ANK2: variants seen among roughly 807,000 people sequenced by gnomAD.
ANK2 encodes ankyrin 2, also known as ankyrin-2.
In ANK2, 83 loss-of-function variants were observed where a neutral mutation model predicts 360.5. That is an observed-to-expected ratio of 0.23 (90% CI 0.19 to 0.28). The LOEUF (loss-of-function observed/expected upper bound fraction) is 0.28, where lower values mean the gene tolerates loss of function less well. Among genes scored for constraint, ANK2 ranks in the 10% least tolerant of loss-of-function variants. ANK2 has a pLI of 1.00. For synonymous variants in ANK2, 1,740 were observed against 1,759.5 expected, an observed-to-expected ratio of 0.99 and a Z score of 0.28; for missense variants, 4,201 against 4,795.7, an observed-to-expected ratio of 0.88 and a Z score of 3.66.
chr4:112,994,003 C>T (rs910565821), intron 2 of ANK2, among the ~76,000 whole-genome samples: 5 of 152,144 alleles, frequency 3.3e-5, no homozygotes, highest in South Asian at 2.1e-4. Flanking sequence ...CCACCATGCC[C>T]GGCCGGCAAC....
the ANK2 span, among the ~76,000 whole-genome samples, chr4:112,726,289 G>T: frequency 4.6e-5 from 7 of 152,290 alleles, no homozygotes; most frequent in South Asian, 1.2e-3. Flanking sequence ...GCCTGAGTAT[G>T]TATAAAGGCA....
chr4:112,968,640 T>G (rs1382775307), intron 2 of ANK2, among the ~76,000 whole-genome samples: 1 of 152,176 alleles, frequency 6.6e-6, no homozygotes, highest in Non-Finnish European at 1.5e-5. Context: ...CTGTTGCCCA[T>G]AGCAACCACC....
rs1180197566 is a variant in ANK2, at chr4:113,323,686, C to T, written c.2900+5066C>T. 2.1e-6 allele frequency: 3 copies of T among 1,412,032 alleles called. No individual in the cohort carries two copies. In the African/African-American group the frequency reaches 4.2e-5, roughly 20 times the overall value. 87.5% of individuals were successfully genotyped at this position (1,412,032 alleles called of 1,614,324 possible). On this transcript the variant is annotated intron_variant, in intron 26 of 45. Coordinates refer to ENST00000357077, the MANE Select transcript of ANK2 (RefSeq NM_001148.6). ...AGGTATTGGTGTATAAATAATAAGTCACTTCTGAGTTCCTTCCTTATATTT... is the reference window on the plus strand; with the variant it reads ...AGGTATTGGTGTATAAATAATAAGTTACTTCTGAGTTCCTTCCTTATATTT...
intron 43 of ANK2, among the ~76,000 whole-genome samples, 166 bp downstream of exon 43, chr4:113,369,971 G>A (rs905268745): frequency 1.3e-5 from 2 of 152,184 alleles, no homozygotes; most frequent in African/African-American, 2.4e-5. Context: ...TCTGAGAGCC[G>A]ATGAATCTTG....
chr4:113,054,748 A>G (rs2068768150), intron 1 of ANK2, among the ~76,000 whole-genome samples: 1 of 152,162 alleles, frequency 6.6e-6, no homozygotes, highest in Non-Finnish European at 1.5e-5. Flanking sequence ...CACTGAAGGT[A>G]TTTAAAATGA....
the ANK2 span, chr4:112,739,082 G>T: frequency 7.5e-6 from 4 of 533,430 alleles, no homozygotes; most frequent in Non-Finnish European, 7.1e-6. Flanking sequence ...CCAATGCCAG[G>T]CTGTGCAGCA....
chr4:113,331,852 A>G, intron 27 of ANK2, 120 bp from the exon 28 acceptor site: 1 of 931,194 alleles, frequency 1.1e-6, no homozygotes, highest in Non-Finnish European at 1.8e-6. Context: ...GGCAGAACCA[A>G]ACGCAGTGTG....
intron 1 of ANK2, among the ~76,000 whole-genome samples, chr4:112,865,219 C>T (rs948099078): frequency 2.0e-5 from 3 of 152,018 alleles, no homozygotes; most frequent in Middle Eastern, 3.2e-3. Flanking sequence ...AAATCACCAT[C>T]TTCTCTAGTA....
chr4:113,150,937 C>A, intron 1 of ANK2: 1 of 549,590 alleles, frequency 1.8e-6, no homozygotes, highest in Non-Finnish European at 2.8e-6. Flanking sequence ...AGGTTGTAGT[C>A]TGCATATCAT....
intron 2 of ANK2, among the ~76,000 whole-genome samples, chr4:112,936,498 A>T (rs902497881): frequency 7.9e-5 from 12 of 152,016 alleles, no homozygotes; most frequent in Non-Finnish European, 1.8e-4. Flanking sequence ...GGCGCGTGCC[A>T]CCACACCTGG....
intron 4 of ANK2, chr4:113,213,968 A>ATTT (rs11394309): frequency 5.3e-5 from 26 of 493,446 alleles, no homozygotes; most frequent in South Asian, 8.1e-5. Flanking sequence ...TTTTTTTTTT[A>ATTT]TTTTTTTTTT....
chr4:113,367,647 C>T lies in ANK2; in HGVS notation c.11114C>T (p.Thr3705Ile), dbSNP rs1231735514. ...CAAGCTGTTTCTAAAGAAAGTGAGACCTGCGATCACCCTCCTATCGTCTCA... is the reference window on the plus strand; with the variant it reads ...CAAGCTGTTTCTAAAGAAAGTGAGATCTGCGATCACCCTCCTATCGTCTCA... ...EEQAVSKESE[T>I]CDHPPIVSEE... The change falls in exon 42 of 46, where the codon ACC becomes ATC. Residue 3705 changes from threonine to isoleucine, a missense_variant. By Grantham distance (89) the Thr-to-Ile change is moderately conservative (BLOSUM62 -1). Around this residue, in one of 4 missense-constraint regions of ANK2, gnomAD observed 2,642 missense variants for 2,714.5 expected, o/e 0.97. Transcript: ENST00000357077. The T allele has an allele frequency of 6.2e-7, 1 of 1,613,812 alleles. No individual in the cohort carries two copies.
chr4:112,851,823 C>T (rs532799957), intron 1 of ANK2, among the ~76,000 whole-genome samples: 8 of 152,188 alleles, frequency 5.3e-5, no homozygotes, highest in South Asian at 2.1e-4. Context: ...GAGGTTTCAC[C>T]GTGTTGGTTA....
intron 11 of ANK2, 88 bp from the exon 12 acceptor site, chr4:113,257,962 T>A: frequency 8.2e-7 from 1 of 1,223,862 alleles, no homozygotes; most frequent in Non-Finnish European, 1.2e-6. Context: ...TGTGACGATG[T>A]AACATTATTG....
chr4:113,145,487 C>T, intron 1 of ANK2: 1 of 564,692 alleles, frequency 1.8e-6, no homozygotes, highest in African/African-American at 2.0e-5. Flanking sequence ...CCAGCAGGAA[C>T]TTAAGTCCAT....
intron 4 of ANK2, among the ~76,000 whole-genome samples, chr4:113,228,056 A>C (rs1040123571): frequency 2.0e-5 from 3 of 152,214 alleles, no homozygotes; most frequent in African/African-American, 7.2e-5. Context: ...GTTGTAGCAC[A>C]CCAGGGTCAT....
chr4:113,305,088 C>A (rs1293022039), intron 23 of ANK2, among the ~76,000 whole-genome samples: 1 of 151,786 alleles, frequency 6.6e-6, no homozygotes, highest in Non-Finnish European at 1.5e-5. Context: ...CGCCTGTAAT[C>A]CCAGCACTTT....
chr4:112,711,272 G>C, the ANK2 span, among the ~76,000 whole-genome samples: 6 of 151,968 alleles, frequency 3.9e-5, no homozygotes, highest in Admixed American at 3.9e-4. Context: ...GTTATTCACA[G>C]GTGCAGTCGT....
intron 1 of ANK2, among the ~76,000 whole-genome samples, chr4:112,823,444 C>T (rs2057666687): frequency 1.3e-5 from 2 of 152,102 alleles, no homozygotes; most frequent in South Asian, 2.1e-4. Flanking sequence ...TTATTTTAAG[C>T]TTCAGGTTAT....
Sources: gnomAD v4.1 joint callset for allele counts (sites outside exome capture counted in the v4.1 genomes callset) on GRCh38, gnomAD v4.1.1 for gene constraint, gnomAD v4.1.1 regional missense constraint, MANE v1.5 for transcripts, NCBI Gene and HGNC (gene_info 2026-07-23, HGNC 2026-07-21) for gene names.